Variants in MFN2 observed in about 807,000 individuals in gnomAD.
The protein encoded by MFN2 is mitofusin 2, also known as mitofusin-2.
In MFN2, 43 loss-of-function variants were observed where a neutral mutation model predicts 87.5. The ratio of observed to expected loss-of-function variants is 0.49; its 90% CI spans 0.38 to 0.63. The LOEUF is 0.63. Ranked by LOEUF, MFN2 falls within the 30% of genes least tolerant of loss-of-function variation. The pLI is 0.00. For missense variants in MFN2, 743 were observed against 972.8 expected, an observed-to-expected ratio of 0.76 and a Z score of 3.14; for synonymous variants, 337 against 359.9, an observed-to-expected ratio of 0.94 and a Z score of 0.72.
intron 18 of MFN2, 98 bp downstream of exon 18, chr1:12,009,824 A>C: frequency 1.3e-6 from 2 of 1,564,096 alleles, no homozygotes; most frequent in Non-Finnish European, 1.7e-6. Flanking sequence ...TGTGGACACA[A>C]ATTTTTCTGG....
intron 2 of MFN2, among the ~76,000 whole-genome samples, chr1:11,984,285 C>T (rs941481283): frequency 4.6e-5 from 7 of 152,134 alleles, no homozygotes; most frequent in East Asian, 3.9e-4. Context: ...ATTTGATCTC[C>T]GTGATAGCGG....
chr1:11,985,540 C>T (rs564926746), intron 2 of MFN2, among the ~76,000 whole-genome samples: 2 of 146,762 alleles, frequency 1.4e-5, no homozygotes, highest in East Asian at 2.1e-4. Flanking sequence ...GATCTTGGCT[C>T]ACTGCAAATT....
Position 12,004,883 on chromosome 1 carries a change from C to T in MFN2, c.1451C>T (p.Thr484Met), listed in dbSNP as rs375480365. 6.1e-5 allele frequency: 98 copies of T among 1,613,444 alleles called. No individual in the cohort carries two copies. Among genetic ancestry groups the T allele is most frequent in the Admixed American group, 1.0e-4 (6 of 59,960 alleles). The change falls in exon 14 of 19, where the codon ACG (threonine) becomes ATG (methionine). Residue 484 changes from threonine to methionine, a missense_variant. Physicochemically the swap from Thr to Met is moderately conservative, Grantham distance 81. This residue lies in a region of MFN2 where 571 missense variants were observed against 670.7 expected (regional missense o/e 0.85). Coordinates refer to ENST00000235329, the MANE Select transcript of MFN2 (RefSeq NM_014874.4). The surrounding 1 kb of genome is among the most constrained non-coding windows in gnomAD (Gnocchi z 4.2). ...LGRNMSDRCSTAITNSLQTMQ... is the reference protein window; with the variant it reads ...LGRNMSDRCSMAITNSLQTMQ... ...CGAAACATGTCTGACCGCTGCTCCA[C>T]GGCCATCACCAACTCCCTGCAGACC... is the stretch of plus-strand genomic sequence containing the variant.
At position 12,004,317 on chromosome 1, in the gene MFN2, A is replaced by G. The variant is rs1343279189; in HGVS notation, c.1288-192A>G. 2.0e-5 allele frequency among the ~76,000 whole-genome samples: 3 copies of G among 152,090 alleles called. No individual in the cohort carries two copies. The highest frequency in any genetic ancestry group is 4.4e-5 in the Non-Finnish European group (3 of 68,006). On this transcript the variant is annotated intron_variant, in intron 12 of 18. Transcript: ENST00000235329. This position sits in a 1 kb window ranked among gnomAD's most constrained non-coding sequence, Gnocchi z 4.2. The stretch of plus-strand genomic sequence containing the variant: ...CATGTTCCCTTTCCTCTGGACCTCC[A>G]CAGATCATGTGGGCGTTTGATCAGC...
Position 12,003,531 on chromosome 1 carries a change from G to A in MFN2, c.1161-461G>A, listed in dbSNP as rs1639266798. Among the ~76,000 whole-genome samples, 1 of 152,182 alleles carries A rather than the reference G, an allele frequency of 6.6e-6. No homozygotes were observed. The highest frequency in any genetic ancestry group is 1.5e-5 in the Non-Finnish European group (1 of 68,032). ...AATACAAAATTAGCTGGGTGTGGTGGCGCATGCCTGTAATCCCAGCTACTC... is the reference window on the plus strand; with the variant it reads ...AATACAAAATTAGCTGGGTGTGGTGACGCATGCCTGTAATCCCAGCTACTC... On this transcript the variant is annotated intron_variant, in intron 11 of 18. Transcript: ENST00000235329. The surrounding 1 kb of genome is among the most constrained non-coding windows in gnomAD (Gnocchi z 4.1).
chr1:11,988,079 A>T (rs74718331), intron 2 of MFN2, among the ~76,000 whole-genome samples: 39 of 75,932 alleles, frequency 5.1e-4, no homozygotes, highest in African/African-American at 1.6e-3. Context: ...ATAGACCAAT[A>T]GTTTTTGTGT....
chr1:11,998,643 AT>A, intron 6 of MFN2, 126 bp from the exon 7 acceptor site: 1 of 843,700 alleles, frequency 1.2e-6, no homozygotes, highest in East Asian at 2.4e-5. Context: ...GCCAGGCCTG[AT>A]TTCTCTCCCG....
In MFN2 at chr1:11,989,272, C is replaced by A; in HGVS notation, c.104C>A (p.Ala35Asp). Residue 35 changes from alanine to aspartate, a missense_variant, in exon 3 of 19, where the codon GCC (alanine) becomes GAC (aspartate). Coordinates refer to ENST00000235329, the MANE Select transcript of MFN2 (RefSeq NM_014874.4). ...NASPLKHFVT[A>D]KKKINGIFEQ... ...TCCCCACTTAAGCACTTTGTCACTG[C>A]CAAGAAGAAGATCAATGGCATTTTT... 1 of 1,614,038 alleles carries A rather than the reference C, an allele frequency of 6.2e-7. No homozygotes were observed. Among genetic ancestry groups the A allele is most frequent in the Non-Finnish European group, 8.5e-7 (1 of 1,180,028 alleles).
chr1:12,007,673 T>C (rs1057342824), intron 17 of MFN2, among the ~76,000 whole-genome samples: 1 of 152,186 alleles, frequency 6.6e-6, no homozygotes, highest in Admixed American at 6.5e-5. Context: ...TTTTTTTTAT[T>C]GTGTGTGGCA....
At chr1:12,011,070 C>T (rs1009013784) in intron 18 of MFN2, among the ~76,000 whole-genome samples, 1 of 152,196 alleles carries the variant, frequency 6.6e-6, no homozygotes, top group Admixed American at 6.5e-5. Flanking sequence ...CCTAGGGACA[C>T]ACTGCTTGCC....
intron 17 of MFN2, among the ~76,000 whole-genome samples, chr1:12,008,955 C>T (rs754580184): frequency 1.8e-4 from 28 of 152,358 alleles, no homozygotes; most frequent in East Asian, 5.8e-4. Flanking sequence ...CCCGGCACCT[C>T]GGGAGGCCGA....
intron 18 of MFN2, among the ~76,000 whole-genome samples, chr1:12,010,235 G>A (rs730123): frequency 0.56 from 84,519 of 152,108 alleles, 23,967 homozygotes; most frequent in South Asian, 0.62. Flanking sequence ...ACACAGCGTC[G>A]CTGCCTTCAA....
intron 8 of MFN2, among the ~76,000 whole-genome samples, chr1:11,999,850 T>C (rs1639094175): frequency 6.6e-6 from 1 of 151,760 alleles, no homozygotes; most frequent in Admixed American, 6.6e-5. Context: ...ATCCCAGCAC[T>C]TTGGGAGGCC....
chr1:11,981,806 C>G (rs1645989822), intron 1 of MFN2, 164 bp from the exon 2 acceptor site: 1 of 152,254 alleles, frequency 6.6e-6, no homozygotes, highest in Non-Finnish European at 1.5e-5. Context: ...GTTTTTTTCC[C>G]CAGGGCACTT....
In MFN2 at chr1:12,007,118, C is replaced by A. The variant is rs1040702840; in HGVS notation, c.1938C>A (p.Val646=). 5.6e-6 allele frequency: 9 copies of A among 1,614,110 alleles called. No individual in the cohort carries two copies. The highest frequency in any genetic ancestry group is 7.6e-6 in the Non-Finnish European group (9 of 1,180,056). ...TTGGGCTCTATGGCCTCCTCTACGT[C>A]TATGAGCGTCTGACCTGGACCACCA... ...LSFGLYGLLY[V]YERLTWTTKA... Residue 646 remains valine, a synonymous_variant, in exon 17 of 19, where the codon GTC becomes GTA. Coordinates refer to ENST00000235329, the MANE Select transcript of MFN2 (RefSeq NM_014874.4).
chr1:11,984,605 CAG>C (rs1373606669), intron 2 of MFN2, among the ~76,000 whole-genome samples: 1 of 152,200 alleles, frequency 6.6e-6, no homozygotes, highest in Non-Finnish European at 1.5e-5. Context: ...TGTTAGGCCT[CAG>C]GGGCAGGCCT....
intron 14 of MFN2, 74 bp downstream of exon 14, chr1:12,005,001 G>A: frequency 8.5e-7 from 1 of 1,182,000 alleles, no homozygotes; most frequent in African/African-American, 1.5e-5. Flanking sequence ...CCAAGCTAAA[G>A]AAATCAGGAC....
chr1:12,011,828 T>C lies in MFN2; in HGVS notation c.*263T>C. 1 of 556,960 alleles carries C rather than the reference T, an allele frequency of 1.8e-6. No homozygotes were observed. The highest frequency in any genetic ancestry group is 3.2e-6 in the Non-Finnish European group (1 of 310,046). The allele number at this position is 556,960 out of a possible 1,614,324, so 34.5% of individuals were successfully genotyped here. A position where few individuals can be genotyped will look rare whatever the true frequency, so the allele number is the denominator to read the frequency against. ...ACAGCATGGTACCAAGGAGTTAAGT[T>C]GAGGCTTTTTCCAGCTTTCTCTGGT... On this transcript the variant is annotated 3_prime_UTR_variant, in exon 19 of 19. Coordinates refer to ENST00000235329, the MANE Select transcript of MFN2 (RefSeq NM_014874.4).
Position 11,989,351 on chromosome 1 carries a change from G to T in MFN2, c.175+8G>T, listed in dbSNP as rs1310322504. On this transcript the variant is annotated splice_region_variant and intron_variant, in intron 3 of 18. Transcript: ENST00000235329. ...GCGCCACCTTCCTTGAAGGTAAGGG[G>T]GCACCGGCTCAGCCAGGCCCGCTCT... is the stretch of plus-strand genomic sequence containing the variant. The T allele has an allele frequency of 1.9e-6, 3 of 1,613,616 alleles. No individual in the cohort carries two copies. The East Asian group carries it at 6.7e-5, about 36-fold the overall frequency.
Sources: allele counts gnomAD v4.1 joint callset (sites outside exome capture counted in the v4.1 genomes callset), GRCh38; gene constraint gnomAD v4.1.1; regional missense constraint gnomAD v4.1.1; non-coding constraint Gnocchi (gnomAD v3.1); transcripts MANE v1.5; gene names NCBI Gene and HGNC (gene_info 2026-07-23, HGNC 2026-07-21).